The following FMNL2 variants were observed in gnomAD, a reference collection of about 807,000 sequenced individuals.
The protein encoded by FMNL2 is formin-like protein 2.
A neutral mutation model predicts 130.2 loss-of-function variants in FMNL2; 51 were observed. That is an observed-to-expected ratio of 0.39 (90% CI 0.31 to 0.49). The LOEUF (loss-of-function observed/expected upper bound fraction) is 0.49, where lower values mean the gene tolerates loss of function less well. Among genes scored for constraint, FMNL2 ranks in the 20% least tolerant of loss-of-function variants. The pLI is 0.85. For synonymous variants in FMNL2, 465 were observed against 467.1 expected (o/e 1.00, Z 0.06); for missense variants, 977 against 1,316.2 (o/e 0.74, Z 3.99).
Position 152,647,848 on chromosome 2 carries a change from G to T in FMNL2, c.3222G>T (p.Arg1074Ser). 1 of 1,613,948 alleles carries T rather than the reference G, an allele frequency of 6.2e-7. No homozygotes were observed. Among genetic ancestry groups the T allele is most frequent in the Non-Finnish European group, 8.5e-7 (1 of 1,179,866 alleles). ...RRADAVRRSV[R>S]RRFDDQNLRS... ...CCGATGCGGTGAGGAGAAGCGTCAG[G>T]CGGCGCTTTGATGATCAGAACTTGC... is the stretch of plus-strand genomic sequence containing the variant. The change falls in exon 26 of 26, where the codon AGG becomes AGT. Residue 1074 changes from arginine (R) to serine (S), a missense_variant. Transcript: ENST00000288670.
At chr2:152,353,288 A>G (rs548440293) in intron 1 of FMNL2, among the ~76,000 whole-genome samples, 1 of 152,218 alleles carries the variant, frequency 6.6e-6, no homozygotes, top group African/African-American at 2.4e-5. Flanking sequence ...ACATAATTGC[A>G]TGAATTCTGC....
At chr2:152,425,195 C>T (rs1293980301) in intron 1 of FMNL2, among the ~76,000 whole-genome samples, 1 of 152,178 alleles carries the variant, frequency 6.6e-6, no homozygotes, top group African/African-American at 2.4e-5. Flanking sequence ...TTTTCTGGTG[C>T]TTTCGCATCC....
intron 1 of FMNL2, among the ~76,000 whole-genome samples, chr2:152,438,672 C>G (rs970933291): frequency 6.6e-6 from 1 of 151,908 alleles, no homozygotes; most frequent in Non-Finnish European, 1.5e-5. Context: ...ATTTTAGTGG[C>G]CAGGGAAAGC....
chr2:152,392,990 G>A (rs531514634), intron 1 of FMNL2, among the ~76,000 whole-genome samples: 52 of 152,012 alleles, frequency 3.4e-4, no homozygotes, highest in Non-Finnish European at 6.9e-4. Flanking sequence ...ACTCTTGCCT[G>A]GTGGGTCCTC....
intron 1 of FMNL2, among the ~76,000 whole-genome samples, chr2:152,500,324 C>G (rs1020429429): frequency 3.3e-5 from 5 of 152,030 alleles, no homozygotes; most frequent in African/African-American, 7.2e-5. Context: ...GAAAGAAAAA[C>G]AGGACTGATC....
chr2:152,575,719 G>C (rs943145301), intron 7 of FMNL2, among the ~76,000 whole-genome samples: 2 of 152,212 alleles, frequency 1.3e-5, no homozygotes, highest in African/African-American at 4.8e-5. Flanking sequence ...ATAAGCTGCT[G>C]TTGCAGGTAG....
chr2:152,562,866 G>T (rs1695607023), intron 6 of FMNL2, among the ~76,000 whole-genome samples: 1 of 152,134 alleles, frequency 6.6e-6, no homozygotes, highest in Admixed American at 6.5e-5. Context: ...ATTTGTAAGG[G>T]ATTTAATTTA....
chr2:152,498,729 T>C (rs546938056), intron 1 of FMNL2, among the ~76,000 whole-genome samples: 2 of 152,332 alleles, frequency 1.3e-5, no homozygotes, highest in East Asian at 3.9e-4. Context: ...CAGGAATCTC[T>C]CTACCACCAC....
intron 15 of FMNL2, among the ~76,000 whole-genome samples, chr2:152,620,633 C>G (rs1699202569): frequency 6.6e-6 from 1 of 152,196 alleles, no homozygotes; most frequent in Admixed American, 6.5e-5. Context: ...ATTTCCAAGG[C>G]TGTGATAGTT....
intron 1 of FMNL2, among the ~76,000 whole-genome samples, chr2:152,391,664 TC>T (rs2105928964): frequency 6.6e-6 from 1 of 151,702 alleles, no homozygotes; most frequent in African/African-American, 2.4e-5. Context: ...TTCCCATATT[TC>T]CCGATAGGGG....
At chr2:152,349,233 T>A (rs550294386) in intron 1 of FMNL2, among the ~76,000 whole-genome samples, 2 of 152,308 alleles carry the variant, frequency 1.3e-5, no homozygotes, top group African/African-American at 4.8e-5. Flanking sequence ...CAGTCCTAGG[T>A]CTTCATACTA....
At chr2:152,431,507 G>GA (rs1290142727) in intron 1 of FMNL2, among the ~76,000 whole-genome samples, 1 of 152,118 alleles carries the variant, frequency 6.6e-6, no homozygotes, top group East Asian at 1.9e-4. Context: ...TCTAGCTGCT[G>GA]AAAAAATAGC....
rs1017353788 is a variant in FMNL2 at position 152,472,178 on chromosome 2, A to G, written c.118-49765A>G. Among the ~76,000 whole-genome samples the G allele has an allele frequency of 2.0e-5, 3 of 152,394 alleles. No homozygotes were observed. In the South Asian group the frequency reaches 6.2e-4, roughly 32 times the overall value. ...AGCACAGGCTTGATGAACCAAGCATATCATAATTATCCTTTATTGAAATAG... is the reference window on the plus strand; with the variant it reads ...AGCACAGGCTTGATGAACCAAGCATGTCATAATTATCCTTTATTGAAATAG... On this transcript the variant is annotated intron_variant, in intron 1 of 25. Transcript: ENST00000288670.
At chr2:152,568,223 T>TTTTTTTTGTTGTTTTGTTTTTG (rs1553478436) in intron 6 of FMNL2, among the ~76,000 whole-genome samples, 1 of 132,276 alleles carries the variant, frequency 7.6e-6, no homozygotes, top group African/African-American at 2.9e-5. Flanking sequence ...GGTGGGTTTT[T>TTTTTTTTGTTGTTTTGTTTTTG]TTTTTTTTTT....
At chr2:152,467,986 A>G (rs1201251820) in intron 1 of FMNL2, among the ~76,000 whole-genome samples, 2 of 152,200 alleles carry the variant, frequency 1.3e-5, no homozygotes, top group Non-Finnish European at 2.9e-5. Flanking sequence ...GAAGATCTGG[A>G]TTTTCAAGCT....
intron 1 of FMNL2, among the ~76,000 whole-genome samples, chr2:152,453,565 T>C (rs939481747): frequency 2.0e-5 from 3 of 152,160 alleles, no homozygotes; most frequent in Non-Finnish European, 4.4e-5. Context: ...ATTTGCCTCT[T>C]TGTTAGAGGG....
Position 152,580,120 on chromosome 2 carries a change from T to G in FMNL2, c.783-836T>G, listed in dbSNP as rs575572976. On this transcript the variant is annotated intron_variant, in intron 8 of 25. Transcript: ENST00000288670. ...GTAGCCATGCTTCTGTGTCTCTGCC[T>G]TCTACTACAGGGAAGACATTATTTT... Among the ~76,000 whole-genome samples the G allele has an allele frequency of 3.9e-5, 6 of 152,350 alleles. No individual in the cohort carries two copies. In the East Asian group the frequency reaches 1.2e-3, roughly 29 times the overall value.
intron 2 of FMNL2, 82 bp downstream of exon 2, chr2:152,522,108 A>T: frequency 1.8e-6 from 2 of 1,133,366 alleles, no homozygotes; most frequent in Non-Finnish European, 2.6e-6. Flanking sequence ...TGTCAATATC[A>T]TGATTGAAAA....
chr2:152,563,078 G>A (rs752811098), intron 6 of FMNL2, among the ~76,000 whole-genome samples: 1 of 152,174 alleles, frequency 6.6e-6, no homozygotes, highest in Non-Finnish European at 1.5e-5. Context: ...AACCCTGGAT[G>A]CTGGAGGTCG....
Sources: allele counts gnomAD v4.1 joint callset (sites outside exome capture counted in the v4.1 genomes callset), GRCh38; gene constraint gnomAD v4.1.1; transcripts MANE v1.5; gene names NCBI Gene and HGNC (gene_info 2026-07-23, HGNC 2026-07-21).